Variants in STRN observed in about 807,000 individuals in gnomAD.
STRN encodes the protein protein phosphatase 2 regulatory subunit B'''alpha.
A neutral mutation model predicts 96.3 loss-of-function variants in STRN; 53 were observed. The ratio of observed to expected loss-of-function variants is 0.55; its 90% CI spans 0.44 to 0.69. STRN has a LOEUF of 0.69. Among genes scored for constraint, STRN ranks in the 30% least tolerant of loss-of-function variants. The pLI, the probability that STRN is intolerant of heterozygous loss-of-function variation, is 0.00. For synonymous variants in STRN, 428 were observed against 355.9 expected (o/e 1.20, Z -2.28); for missense variants, 987 against 963.9 (o/e 1.02, Z -0.32).
intron 3 of STRN, among the ~76,000 whole-genome samples, chr2:36,914,405 G>C (rs1476770403): frequency 6.6e-6 from 1 of 152,122 alleles, no homozygotes; most frequent in Admixed American, 6.5e-5. Flanking sequence ...ACTCCTTTGA[G>C]TCAGTTAATA....
chr2:36,924,548 G>T (rs949218634), intron 2 of STRN, among the ~76,000 whole-genome samples: 1 of 151,966 alleles, frequency 6.6e-6, no homozygotes, highest in Non-Finnish European at 1.5e-5. Flanking sequence ...GAGCATATTT[G>T]CTTCTTCAAA....
chr2:36,906,514 TA>T (rs1669825381), intron 3 of STRN, among the ~76,000 whole-genome samples: 1 of 145,402 alleles, frequency 6.9e-6, no homozygotes, highest in Admixed American at 6.9e-5. Context: ...ATAATTTTTT[TA>T]AAAAAAGAAC....
At chr2:36,911,955 C>T (rs913123086) in intron 3 of STRN, among the ~76,000 whole-genome samples, 1 of 152,190 alleles carries the variant, frequency 6.6e-6, no homozygotes, top group African/African-American at 2.4e-5. Context: ...TTTTCTTAAA[C>T]ATCTGACCCA....
At chr2:36,934,609 C>G (rs1451247410) in intron 1 of STRN, among the ~76,000 whole-genome samples, 1 of 152,194 alleles carries the variant, frequency 6.6e-6, no homozygotes, top group African/African-American at 2.4e-5. Flanking sequence ...GGCAACACTT[C>G]TCATATTTAA....
intron 1 of STRN, among the ~76,000 whole-genome samples, chr2:36,943,148 T>G (rs1222677089): frequency 1.3e-5 from 2 of 152,156 alleles, no homozygotes; most frequent in African/African-American, 2.4e-5. Flanking sequence ...TTTGACTGAT[T>G]TTTTAAATTC....
intron 1 of STRN, among the ~76,000 whole-genome samples, chr2:36,952,446 A>G (rs1664775656): frequency 7.5e-6 from 1 of 134,060 alleles, no homozygotes; most frequent in South Asian, 2.7e-4. Context: ...CTGAAGCACG[A>G]GAGAAAAAAA....
intron 15 of STRN, among the ~76,000 whole-genome samples, chr2:36,853,711 T>C (rs1009346005): frequency 2.0e-5 from 3 of 152,192 alleles, no homozygotes; most frequent in African/African-American, 7.2e-5. Context: ...ACTCACTTTC[T>C]CCTTGAAGCT....
chr2:36,949,076 C>A (rs1184398385), intron 1 of STRN, among the ~76,000 whole-genome samples: 1 of 152,182 alleles, frequency 6.6e-6, no homozygotes, highest in Admixed American at 6.5e-5. Context: ...TTTGGCTGTA[C>A]CTTCTCTACG....
At chr2:36,908,770 T>C (rs528381833) in intron 3 of STRN, among the ~76,000 whole-genome samples, 1 of 152,082 alleles carries the variant, frequency 6.6e-6, no homozygotes, top group Non-Finnish European at 1.5e-5. Flanking sequence ...ACCCAGGAGT[T>C]TGAGACCAGC....
chr2:36,843,738 G>C lies in STRN; in HGVS notation c.*5718C>G, dbSNP rs978526087. The C allele has an allele frequency of 6.6e-6, 1 of 152,092 alleles. No individual in the cohort carries two copies. Among genetic ancestry groups the C allele is most frequent in the Non-Finnish European group, 1.5e-5 (1 of 68,026 alleles). The allele number at this position is 152,092 out of a possible 1,614,324, so 9.4% of individuals were successfully genotyped here. The stretch of plus-strand genomic sequence containing the variant: ...TGTTAATTTAACTGATTACTGTAAA[G>C]CCACAGCTAGATCCCAAATCTGACA... On this transcript the variant is annotated 3_prime_UTR_variant, in exon 18 of 18. Transcript: ENST00000263918.
chr2:36,941,828 C>T (rs1670852899), intron 1 of STRN, among the ~76,000 whole-genome samples: 1 of 151,942 alleles, frequency 6.6e-6, no homozygotes, highest in Admixed American at 6.6e-5. Flanking sequence ...GCTGGGATTA[C>T]AGGCGTGAGC....
chr2:36,881,519 G>A (rs1190354982), intron 9 of STRN, among the ~76,000 whole-genome samples: 2 of 152,200 alleles, frequency 1.3e-5, no homozygotes, highest in Non-Finnish European at 2.9e-5. Context: ...AAAGTGGACT[G>A]AAGACCAAGA....
At chr2:36,877,263 C>T (rs1022634298) in intron 10 of STRN, among the ~76,000 whole-genome samples, 2 of 152,118 alleles carry the variant, frequency 1.3e-5, no homozygotes, top group African/African-American at 4.8e-5. Flanking sequence ...TTTAGGTAGG[C>T]ACGAATTACA....
At chr2:36,880,344 G>A (rs1225500372) in intron 9 of STRN, among the ~76,000 whole-genome samples, 1 of 152,180 alleles carries the variant, frequency 6.6e-6, no homozygotes, top group African/African-American at 2.4e-5. Context: ...AAGGCTTGAG[G>A]CAGGAGGATC....
rs533037805 is a variant in STRN, at chr2:36,937,024, C to T, written c.235-11816G>A. 1.3e-3 allele frequency among the ~76,000 whole-genome samples: 192 copies of T among 152,092 alleles called. 4 individuals carry two copies. The highest frequency in any genetic ancestry group is 2.2e-3 in the Admixed American group (33 of 15,258). On this transcript the variant is annotated intron_variant, in intron 1 of 17. Coordinates refer to ENST00000263918, the MANE Select transcript of STRN (RefSeq NM_003162.4). ...GACAGTAGGACCCAGACTCAAGCTG[C>T]GGAAGAGATAAATAAGCTCAGTTAA... is the stretch of plus-strand genomic sequence containing the variant.
intron 2 of STRN, among the ~76,000 whole-genome samples, chr2:36,922,575 T>G (rs546936217): frequency 1.3e-4 from 19 of 148,996 alleles, no homozygotes; most frequent in African/African-American, 4.7e-4. Flanking sequence ...ACATGTAAGA[T>G]AAAAGTTTGA....
intron 1 of STRN, among the ~76,000 whole-genome samples, chr2:36,937,493 A>G (rs930199727): frequency 1.3e-5 from 2 of 152,062 alleles, no homozygotes; most frequent in Non-Finnish European, 2.9e-5. Flanking sequence ...ACGCACTGAG[A>G]ATCCATGTCT....
chr2:36,903,794 G>C (rs2148201956), intron 4 of STRN, among the ~76,000 whole-genome samples: 1 of 152,216 alleles, frequency 6.6e-6, no homozygotes, highest in Non-Finnish European at 1.5e-5. Context: ...TTATAGAAAG[G>C]TCTCGATTAA....
chr2:36,924,969 T>C (rs1176713047), intron 2 of STRN, 136 bp downstream of exon 2: 7 of 656,804 alleles, frequency 1.1e-5, no homozygotes, highest in African/African-American at 5.5e-5. Flanking sequence ...GGCAGGAGAA[T>C]TGCTTGAAAC....
Sources: allele counts gnomAD v4.1 joint callset (sites outside exome capture counted in the v4.1 genomes callset), GRCh38; gene constraint gnomAD v4.1.1; transcripts MANE v1.5; gene names NCBI Gene and HGNC (gene_info 2026-07-23, HGNC 2026-07-21).